INPP4B: variants seen among roughly 807,000 people sequenced by gnomAD.
The protein encoded by INPP4B is inositol polyphosphate 4-phosphatase type II.
INPP4B carries 55 observed loss-of-function variants against 122.5 expected under a neutral mutation model. The ratio of observed to expected loss-of-function variants is 0.45; its 90% CI spans 0.36 to 0.56. The LOEUF (loss-of-function observed/expected upper bound fraction) is 0.56, where lower values mean the gene tolerates loss of function less well. INPP4B is among the 20% of genes least tolerant of loss of function. INPP4B has a pLI of 0.00. For synonymous variants in INPP4B, 403 were observed against 388.7 expected (o/e 1.04, Z -0.43); for missense variants, 1,000 against 1,097.7 (o/e 0.91, Z 1.26).
At chr4:142,230,236 C>A (rs1853567818) in intron 12 of INPP4B, among the ~76,000 whole-genome samples, 1 of 151,926 alleles carries the variant, frequency 6.6e-6, no homozygotes, top group Non-Finnish European at 1.5e-5. Context: ...CAGATGTATA[C>A]CTAATATAAC....
At chr4:142,442,005 T>C (rs1003167591) in intron 3 of INPP4B, among the ~76,000 whole-genome samples, 4 of 151,970 alleles carry the variant, frequency 2.6e-5, no homozygotes, top group African/African-American at 9.7e-5. Context: ...TGATCTGAAA[T>C]TGATGATGCT....
At chr4:142,056,072 G>A (rs1757537648) in intron 25 of INPP4B, among the ~76,000 whole-genome samples, 1 of 151,856 alleles carries the variant, frequency 6.6e-6, no homozygotes, top group Non-Finnish European at 1.5e-5. Context: ...TTGTAATAGG[G>A]TTTGAGTTCC....
intron 7 of INPP4B, among the ~76,000 whole-genome samples, chr4:142,367,593 A>G (rs1350570870): frequency 6.6e-6 from 1 of 152,086 alleles, no homozygotes; most frequent in Non-Finnish European, 1.5e-5. Flanking sequence ...CAGGTTTAGT[A>G]GCTCTCAGTG....
intron 1 of INPP4B, among the ~76,000 whole-genome samples, chr4:142,819,686 C>A (rs144382942): frequency 7.9e-5 from 12 of 152,010 alleles, no homozygotes; most frequent in African/African-American, 2.9e-4. Flanking sequence ...AATTCAAATA[C>A]GTATGTGGTA....
At chr4:142,562,716 T>C (rs75684557) in intron 2 of INPP4B, among the ~76,000 whole-genome samples, 1 of 151,386 alleles carries the variant, frequency 6.6e-6, no homozygotes, top group Admixed American at 6.6e-5. Context: ...GAAAAAAAAA[T>C]AGAGAGATAA....
intron 1 of INPP4B, among the ~76,000 whole-genome samples, chr4:142,733,348 A>C (rs1044074616): frequency 3.9e-5 from 6 of 152,226 alleles, no homozygotes; most frequent in Admixed American, 6.5e-5. Context: ...GATGCCAAGT[A>C]GAATATGAAA....
chr4:142,361,660 T>G (rs560460897), intron 7 of INPP4B, among the ~76,000 whole-genome samples: 1 of 152,082 alleles, frequency 6.6e-6, no homozygotes, highest in African/African-American at 2.4e-5. Context: ...ATCCTGTTTC[T>G]TCATAACATT....
rs34768563 is a variant in INPP4B, at chr4:142,808,103, T to TACACACAC, written c.-254+38098_-254+38105dup. ...TTATTCATTGACCTTCATGATAAAATACACACACACACACACACACACGAA... is the reference window on the plus strand; with the variant it reads ...TTATTCATTGACCTTCATGATAAAATACACACACACACACACACACACACACACACGAA... On this transcript the variant is annotated intron_variant, in intron 1 of 25. Transcript: ENST00000262992. Among the ~76,000 whole-genome samples the TACACACAC allele has an allele frequency of 7.2e-4, 108 of 149,504 alleles. 2 individuals are homozygous for TACACACAC. In the South Asian group the frequency reaches 0.017, roughly 24 times the overall value.
intron 2 of INPP4B, among the ~76,000 whole-genome samples, chr4:142,617,359 CAT>C (rs1267288801): frequency 2.0e-5 from 3 of 152,108 alleles, no homozygotes; most frequent in East Asian, 1.9e-4. Flanking sequence ...CACACACATG[CAT>C]AGCTGATCTG....
At chr4:142,420,478 G>A (rs1191339553) in intron 5 of INPP4B, among the ~76,000 whole-genome samples, 1 of 152,042 alleles carries the variant, frequency 6.6e-6, no homozygotes, top group African/African-American at 2.4e-5. Context: ...CTAAATCTTG[G>A]TCACCAGAAA....
rs148326893 is a variant in INPP4B, at chr4:142,392,874, C to T, written c.372+10064G>A. 7.9e-5 allele frequency among the ~76,000 whole-genome samples: 12 copies of T among 152,258 alleles called. 1 individual carries two copies. Among genetic ancestry groups the T allele is most frequent in the Admixed American group, 3.3e-4 (5 of 15,302 alleles). On this transcript the variant is annotated intron_variant, in intron 7 of 25. Transcript: ENST00000262992. ...TTAACAAAAAGACCACTTAATTAAGCGAGCAGACTCTTTATCTACATCATT... is the reference window on the plus strand; with the variant it reads ...TTAACAAAAAGACCACTTAATTAAGTGAGCAGACTCTTTATCTACATCATT...
intron 7 of INPP4B, among the ~76,000 whole-genome samples, chr4:142,320,293 C>T (rs1769495763): frequency 6.6e-6 from 1 of 152,116 alleles, no homozygotes; most frequent in Admixed American, 6.5e-5. Flanking sequence ...TTCAACTAGG[C>T]TATATAATAT....
intron 1 of INPP4B, among the ~76,000 whole-genome samples, chr4:142,822,433 C>T (rs1389906127): frequency 1.3e-5 from 2 of 152,222 alleles, no homozygotes; most frequent in South Asian, 4.1e-4. Context: ...AGGAGGTGAG[C>T]TGCAGGAGAG....
chr4:142,431,021 G>A, intron 4 of INPP4B, 148 bp downstream of exon 4: 1 of 616,916 alleles, frequency 1.6e-6, no homozygotes, highest in Non-Finnish European at 2.9e-6. Flanking sequence ...GGTAAATAGT[G>A]CAAAGGAAAA....
chr4:142,362,922 C>A (rs955112616), intron 7 of INPP4B, among the ~76,000 whole-genome samples: 1 of 151,982 alleles, frequency 6.6e-6, no homozygotes, highest in Non-Finnish European at 1.5e-5. Context: ...TCAATGGAAG[C>A]CCAAATCTCA....
intron 2 of INPP4B, among the ~76,000 whole-genome samples, chr4:142,659,994 T>C (rs1168133586): frequency 6.6e-6 from 1 of 151,812 alleles, no homozygotes; most frequent in African/African-American, 2.4e-5. Context: ...CAACAGAGGT[T>C]AAAAGGCACC....
chr4:142,655,656 T>A lies in INPP4B; in HGVS notation c.-191+70183A>T, dbSNP rs532169200. Among the ~76,000 whole-genome samples the A allele has an allele frequency of 1.1e-3, 167 of 152,320 alleles. 1 individual carries two copies. The highest frequency in any genetic ancestry group is 3.9e-3 in the African/African-American group (161 of 41,574). The stretch of plus-strand genomic sequence containing the variant: ...TTAAAGCTAATGAATGGCATAATTA[T>A]CTGAGTATAAAAAAATTGGAATCTG... On this transcript the variant is annotated intron_variant, in intron 2 of 25. Transcript: ENST00000262992.
chr4:142,538,926 C>T (rs1828609277), intron 2 of INPP4B, among the ~76,000 whole-genome samples: 1 of 151,548 alleles, frequency 6.6e-6, no homozygotes. Flanking sequence ...AAATTAGTGA[C>T]AATGGTGAGG....
At position 142,374,079 on chromosome 4, in the gene INPP4B, G is replaced by C. The variant is rs572798892; in HGVS notation, c.372+28859C>G. On this transcript the variant is annotated intron_variant, in intron 7 of 25. Transcript: ENST00000262992. Reference sequence around the variant, plus strand: ...ATGCAGAAAGATTGTTTTAGTTTAGGGTGTGTTTGAACACGTTTGTAGATA... The same window carrying C: ...ATGCAGAAAGATTGTTTTAGTTTAGCGTGTGTTTGAACACGTTTGTAGATA... Among the ~76,000 whole-genome samples, 179 of 151,790 alleles carry C rather than the reference G, an allele frequency of 1.2e-3. 1 individual carries two copies. The highest frequency in any genetic ancestry group is 4.2e-3 in the African/African-American group (173 of 41,448).
Sources: gnomAD v4.1 joint callset for allele counts (sites outside exome capture counted in the v4.1 genomes callset) on GRCh38, gnomAD v4.1.1 for gene constraint, MANE v1.5 for transcripts, NCBI Gene and HGNC (gene_info 2026-07-23, HGNC 2026-07-21) for gene names.